The following COL21A1 variants were observed in gnomAD, a reference collection of about 807,000 sequenced individuals.
COL21A1 encodes collagen type XXI alpha 1 chain.
COL21A1 carries 149 observed loss-of-function variants against 137.9 expected under a neutral mutation model. The ratio of observed to expected loss-of-function variants is 1.08; its 90% CI spans 0.95 to 1.24. COL21A1 has a LOEUF of 1.24. Ranked by LOEUF, COL21A1 falls within the 50% of genes most tolerant of loss-of-function variation. The probability of loss-of-function intolerance (pLI) is 0.00; values close to 1 mark genes in which losing one functional copy is unlikely to be tolerated. For missense variants in COL21A1, 1,167 were observed against 1,158.4 expected (o/e 1.01, Z -0.11); for synonymous variants, 456 against 391.5 (o/e 1.16, Z -1.95).
intron 1 of COL21A1, among the ~76,000 whole-genome samples, chr6:56,356,371 G>A (rs947999553): frequency 2.0e-5 from 3 of 152,080 alleles, no homozygotes; most frequent in South Asian, 2.1e-4. Flanking sequence ...TGTGAACTGC[G>A]ACATATTTAG....
At chr6:56,201,879 C>T (rs1779431806) in intron 1 of COL21A1, among the ~76,000 whole-genome samples, 2 of 152,196 alleles carry the variant, frequency 1.3e-5, no homozygotes. Flanking sequence ...TTTTAGTATA[C>T]TAAAAATTAA....
intron 16 of COL21A1, among the ~76,000 whole-genome samples, chr6:56,103,568 A>C (rs62411455): frequency 6.6e-6 from 1 of 151,992 alleles, no homozygotes; most frequent in Non-Finnish European, 1.5e-5. Context: ...ACTTTTTTCT[A>C]TCTGTCCATT....
intron 1 of COL21A1, among the ~76,000 whole-genome samples, chr6:56,197,729 G>A (rs1167638703): frequency 6.6e-6 from 1 of 152,036 alleles, no homozygotes; most frequent in Non-Finnish European, 1.5e-5. Flanking sequence ...TTGGAGAAAA[G>A]GGAACACTTG....
Position 56,056,782 on chromosome 6 carries a change from C to T in COL21A1, c.*875G>A, listed in dbSNP as rs1412587830. On this transcript the variant is annotated 3_prime_UTR_variant, in exon 30 of 30. Transcript: ENST00000244728. Reference sequence around the variant, plus strand: ...CTAGGATTTCAGGAGTTTTCCTTTTCTTTCAACTAGAGCATTAGCTTTATT... The same window carrying T: ...CTAGGATTTCAGGAGTTTTCCTTTTTTTTCAACTAGAGCATTAGCTTTATT... The T allele has an allele frequency of 1.3e-5, 2 of 152,168 alleles. No individual in the cohort carries two copies. Among genetic ancestry groups the T allele is most frequent in the Non-Finnish European group, 2.9e-5 (2 of 68,006 alleles). 9.4% of individuals were successfully genotyped at this position (152,168 alleles called of 1,614,324 possible). A position where few individuals can be genotyped will look rare whatever the true frequency, so the allele number is the denominator to read the frequency against.
intron 1 of COL21A1, among the ~76,000 whole-genome samples, chr6:56,278,462 G>A (rs57111714): frequency 3.3e-5 from 5 of 152,134 alleles, no homozygotes; most frequent in Non-Finnish European, 5.9e-5. Flanking sequence ...TGTGGCCTGT[G>A]GAGGGGCCTA....
chr6:56,140,678 G>A (rs994961387), intron 12 of COL21A1, among the ~76,000 whole-genome samples: 4 of 152,034 alleles, frequency 2.6e-5, no homozygotes, highest in African/African-American at 9.7e-5. Flanking sequence ...TTTAGCTCTG[G>A]GCAAAGAACT....
At chr6:56,234,311 A>G (rs1781767172) in intron 1 of COL21A1, among the ~76,000 whole-genome samples, 1 of 151,874 alleles carries the variant, frequency 6.6e-6, no homozygotes. Context: ...CTAGGTAAAT[A>G]CTAATAAAAG....
intron 1 of COL21A1, among the ~76,000 whole-genome samples, chr6:56,205,036 G>C (rs1054216544): frequency 6.6e-6 from 1 of 152,144 alleles, no homozygotes; most frequent in African/African-American, 2.4e-5. Flanking sequence ...GGAGAAACCA[G>C]TGCAAAAAGG....
At chr6:56,155,837 A>C (rs1274750782) in intron 10 of COL21A1, among the ~76,000 whole-genome samples, 1 of 152,174 alleles carries the variant, frequency 6.6e-6, no homozygotes, top group Non-Finnish European at 1.5e-5. Flanking sequence ...TGCTGGTCTC[A>C]AGTGATCCAC....
At position 56,321,829 on chromosome 6, in the gene COL21A1, T is replaced by C. The variant is rs78544964; in HGVS notation, c.-39+72142A>G. Among the ~76,000 whole-genome samples the C allele has an allele frequency of 2.9e-3, 448 of 152,230 alleles. 2 individuals carry two copies. The highest frequency in any genetic ancestry group is 0.011 in the African/African-American group (437 of 41,556). On this transcript the variant is annotated intron_variant, in intron 1 of 28. Transcript: ENST00000370819. ...AGAGAAGTTGCCAAAGATCTCAACGTCACCCATTCTTCTATGGTCGTTCAG... is the reference window on the plus strand; with the variant it reads ...AGAGAAGTTGCCAAAGATCTCAACGCCACCCATTCTTCTATGGTCGTTCAG...
intron 18 of COL21A1, 70 bp from the exon 19 acceptor site, chr6:56,075,602 A>G: frequency 9.0e-6 from 10 of 1,110,084 alleles, no homozygotes; most frequent in Non-Finnish European, 1.3e-5. Context: ...AGCTTCTGCC[A>G]AAGCACAATG....
At chr6:56,077,048 T>C (rs969350745) in intron 18 of COL21A1, among the ~76,000 whole-genome samples, 10 of 151,258 alleles carry the variant, frequency 6.6e-5, no homozygotes, top group African/African-American at 1.7e-4. Context: ...AAGTTAACAA[T>C]GAAAGCCAAA....
chr6:56,372,661 A>G (rs1183608824), intron 1 of COL21A1, among the ~76,000 whole-genome samples: 1 of 152,186 alleles, frequency 6.6e-6, no homozygotes, highest in Non-Finnish European at 1.5e-5. Context: ...GTGGGGGGAA[A>G]AAAGCTTCAG....
intron 17 of COL21A1, among the ~76,000 whole-genome samples, chr6:56,094,971 T>TA (rs1769188212): frequency 6.6e-6 from 1 of 152,136 alleles, no homozygotes; most frequent in African/African-American, 2.4e-5. Context: ...TTTATCCAAA[T>TA]AAAACCATAT....
intron 12 of COL21A1, among the ~76,000 whole-genome samples, chr6:56,129,675 C>CGTGTGT (rs78820557): frequency 0.017 from 2,345 of 136,410 alleles, 74 homozygotes; most frequent in African/African-American, 0.06. Context: ...CACGTGCGTG[C>CGTGTGT]GTGTGTGTGT....
At chr6:56,109,461 T>C (rs1417143271) in intron 16 of COL21A1, among the ~76,000 whole-genome samples, 2 of 151,802 alleles carry the variant, frequency 1.3e-5, no homozygotes, top group Non-Finnish European at 3.0e-5. Context: ...GATGAAATAA[T>C]AGTTCCCTAG....
At chr6:56,177,218 C>G (rs1037230295) in intron 3 of COL21A1, among the ~76,000 whole-genome samples, 2 of 151,850 alleles carry the variant, frequency 1.3e-5, no homozygotes, top group Non-Finnish European at 2.9e-5. Context: ...GACAACTCTT[C>G]CAGAGAAATA....
intron 16 of COL21A1, among the ~76,000 whole-genome samples, chr6:56,123,352 T>C (rs76198862): frequency 0.15 from 22,844 of 152,204 alleles, 1,760 homozygotes; most frequent in Middle Eastern, 0.22. Flanking sequence ...TTTGAAAAAC[T>C]TTCATAGCAC....
intron 1 of COL21A1, among the ~76,000 whole-genome samples, chr6:56,261,498 G>A (rs6923130): frequency 0.4 from 60,073 of 151,926 alleles, 13,385 homozygotes; most frequent in African/African-American, 0.59. Context: ...AGAGACCCAA[G>A]AGACCTGTTC....
Sources: gnomAD v4.1 joint callset for allele counts (sites outside exome capture counted in the v4.1 genomes callset) on GRCh38, gnomAD v4.1.1 for gene constraint, MANE v1.5 for transcripts, NCBI Gene and HGNC (gene_info 2026-07-23, HGNC 2026-07-21) for gene names.